CSGALNACT2: variants seen among roughly 807,000 people sequenced by gnomAD.
CSGALNACT2 encodes the protein chondroitin sulfate N-acetylgalactosaminyltransferase 2, also known as beta 4 GalNAcT-2.
A neutral mutation model predicts 55.3 loss-of-function variants in CSGALNACT2; 35 were observed. The observed-to-expected ratio is 0.63, with a 90% confidence interval of 0.48 to 0.84. The LOEUF is 0.84. Among genes scored for constraint, CSGALNACT2 ranks in the 40% least tolerant of loss-of-function variants. The probability of loss-of-function intolerance (pLI) is 0.00; values close to 1 mark genes in which losing one functional copy is unlikely to be tolerated. For missense variants in CSGALNACT2, 544 were observed against 657.5 expected (o/e 0.83, Z 1.89); for synonymous variants, 196 against 224.9 (o/e 0.87, Z 1.15).
intron 1 of CSGALNACT2, among the ~76,000 whole-genome samples, chr10:43,150,724 G>T (rs1284391207): frequency 6.6e-6 from 1 of 152,108 alleles, no homozygotes; most frequent in Non-Finnish European, 1.5e-5. Flanking sequence ...GGGATTGGTT[G>T]AGCTTCTTAT....
At chr10:43,149,857 C>A (rs1432185989) in intron 1 of CSGALNACT2, among the ~76,000 whole-genome samples, 1 of 152,126 alleles carries the variant, frequency 6.6e-6, no homozygotes, top group South Asian at 2.1e-4. Context: ...CACCTGAGGT[C>A]GAGAGTTCAA....
At position 43,183,451 on chromosome 10, in the gene CSGALNACT2, A is replaced by T. The variant is rs754926941; in HGVS notation, c.1538A>T (p.His513Leu). 6.2e-7 allele frequency: 1 copy of T among 1,614,012 alleles called. No individual in the cohort carries two copies. The part of the protein sequence containing the change: ...IQSKAMNEAS[H>L]SHLGMLVFRE... ...TCTAAAGCCATGAATGAGGCCTCTCACTCCCACCTGGGAATGCTGGTCTTC... is the reference window on the plus strand; with the variant it reads ...TCTAAAGCCATGAATGAGGCCTCTCTCTCCCACCTGGGAATGCTGGTCTTC... The change falls in exon 8 of 8, where the codon CAC (histidine) becomes CTC (leucine). Residue 513 changes from histidine (H) to leucine (L), a missense_variant. Coordinates refer to ENST00000374466, the MANE Select transcript of CSGALNACT2 (RefSeq NM_018590.5).
At chr10:43,162,618 CTCCATTACCCA>C (rs1839176385) in intron 4 of CSGALNACT2, 2 of 985,430 alleles carry the variant, frequency 2.0e-6, no homozygotes, top group Non-Finnish European at 2.4e-6. Flanking sequence ...TGTTCCATCT[CTCCATTACCCA>C]TTCTGTACTG....
chr10:43,179,115 T>G, intron 7 of CSGALNACT2, among the ~76,000 whole-genome samples: 1 of 152,098 alleles, frequency 6.6e-6, no homozygotes, highest in East Asian at 1.9e-4. Context: ...TGATGAAACA[T>G]TGTCATCTTC....
intron 4 of CSGALNACT2, among the ~76,000 whole-genome samples, chr10:43,160,868 T>G (rs1321555766): frequency 6.6e-6 from 1 of 152,204 alleles, no homozygotes; most frequent in South Asian, 2.1e-4. Context: ...TTTTAAAATC[T>G]AATTCCTTCA....
chr10:43,155,731 T>C lies in CSGALNACT2; in HGVS notation c.582T>C (p.Pro194=), dbSNP rs761037262. 1.2e-6 allele frequency: 2 copies of C among 1,614,146 alleles called. No individual in the cohort carries two copies. The highest frequency in any genetic ancestry group is 1.7e-6 in the Non-Finnish European group (2 of 1,179,974). The change falls in exon 2 of 8, where the codon CCT becomes CCC. Residue 194 remains proline (P), a synonymous_variant. Coordinates refer to ENST00000374466, the MANE Select transcript of CSGALNACT2 (RefSeq NM_018590.5). ...IEAGLEVINN[P]DEDDEQEDEE... is the part of the protein sequence containing the mutation. ...CGGGCTTGGAGGTCATTAATAATCC[T>C]GATGAAGATGATGAACAAGAAGATG...
intron 1 of CSGALNACT2, among the ~76,000 whole-genome samples, chr10:43,148,747 GCTGAA>G (rs888494272): frequency 6.6e-6 from 1 of 151,892 alleles, no homozygotes; most frequent in Non-Finnish European, 1.5e-5. Context: ...CCTACAACTG[GCTGAA>G]CTCATTTATT....
At chr10:43,176,876 A>G (rs1229852067) in intron 7 of CSGALNACT2, among the ~76,000 whole-genome samples, 1 of 152,150 alleles carries the variant, frequency 6.6e-6, no homozygotes, top group African/African-American at 2.4e-5. Flanking sequence ...CCCTAGCTTC[A>G]GTCTTACCCA....
Position 43,163,985 on chromosome 10 carries a change from A to G in CSGALNACT2, c.1100A>G (p.Asp367Gly). The G allele has an allele frequency of 6.2e-7, 1 of 1,614,130 alleles. No homozygotes were observed. The highest frequency in any genetic ancestry group is 8.5e-7 in the Non-Finnish European group (1 of 1,180,026). ...GGAGAGGTCTTGATGTTTTTCTGTG[A>G]TGTTGATATCTATTTCTCAGCCGAA... ...DKGEVLMFFC[D>G]VDIYFSAEFL... The change falls in exon 5 of 8, where the codon GAT becomes GGT. Residue 367 changes from aspartate to glycine, a missense_variant. Asp to Gly is a moderately conservative substitution (Grantham distance 94). Transcript: ENST00000374466.
intron 7 of CSGALNACT2, among the ~76,000 whole-genome samples, chr10:43,178,067 A>G (rs1455886243): frequency 6.6e-6 from 1 of 152,142 alleles, no homozygotes; most frequent in African/African-American, 2.4e-5. Context: ...CTTTAGTGAA[A>G]TGTCTGTTCA....
At chr10:43,163,237 T>A in intron 4 of CSGALNACT2, 1 of 981,538 alleles carries the variant, frequency 1.0e-6, no homozygotes, top group Non-Finnish European at 1.2e-6. Flanking sequence ...TTTTCAGAAC[T>A]GCTGTTCATT....
chr10:43,181,398 T>G (rs1839586518), intron 7 of CSGALNACT2, among the ~76,000 whole-genome samples: 1 of 152,154 alleles, frequency 6.6e-6, no homozygotes, highest in African/African-American at 2.4e-5. Context: ...TAGGATGGAG[T>G]GATGACTTCT....
intron 7 of CSGALNACT2, among the ~76,000 whole-genome samples, chr10:43,176,418 C>A (rs1253440582): frequency 6.6e-6 from 1 of 151,432 alleles, no homozygotes; most frequent in Non-Finnish European, 1.5e-5. Flanking sequence ...AGGACTTTCA[C>A]ATTTTTTTGA....
intron 1 of CSGALNACT2, among the ~76,000 whole-genome samples, chr10:43,150,647 C>G (rs1838856276): frequency 6.6e-6 from 1 of 152,084 alleles, no homozygotes; most frequent in Non-Finnish European, 1.5e-5. Context: ...TAAAGATTTT[C>G]TCTTTACATT....
intron 1 of CSGALNACT2, among the ~76,000 whole-genome samples, chr10:43,140,483 A>G (rs986828659): frequency 1.3e-5 from 2 of 152,242 alleles, no homozygotes; most frequent in African/African-American, 4.8e-5. Context: ...TTACCATGTT[A>G]TTATTTACCC....
intron 1 of CSGALNACT2, among the ~76,000 whole-genome samples, chr10:43,152,928 G>A (rs141819370): frequency 7.9e-5 from 12 of 152,220 alleles, no homozygotes; most frequent in African/African-American, 2.6e-4. Flanking sequence ...TGGTTTTGAG[G>A]TATGGTTAAG....
At chr10:43,176,789 A>C (rs898953726) in intron 7 of CSGALNACT2, among the ~76,000 whole-genome samples, 2 of 151,214 alleles carry the variant, frequency 1.3e-5, no homozygotes, top group African/African-American at 2.4e-5. Flanking sequence ...CTGGTCTTGA[A>C]CTCCTGGGTT....
At chr10:43,139,935 C>A (rs1197210455) in intron 1 of CSGALNACT2, among the ~76,000 whole-genome samples, 2 of 152,220 alleles carry the variant, frequency 1.3e-5, no homozygotes, top group African/African-American at 4.8e-5. Flanking sequence ...GTGGCTCAGG[C>A]CTTTTATCCC....
chr10:43,155,034 T>A lies in CSGALNACT2; in HGVS notation c.-116T>A, dbSNP rs1838962102. 1 of 857,368 alleles carries A rather than the reference T, an allele frequency of 1.2e-6. No individual in the cohort carries two copies. Among genetic ancestry groups the A allele is most frequent in the Non-Finnish European group, 1.8e-6 (1 of 555,210 alleles). The allele number at this position is 857,368 out of a possible 1,614,324, so 53.1% of individuals were successfully genotyped here. On this transcript the variant is annotated 5_prime_UTR_variant, in exon 2 of 8. Coordinates refer to ENST00000374466, the MANE Select transcript of CSGALNACT2 (RefSeq NM_018590.5). ...TGCTGAAGAAAGAAAAACTTAAAGCTACGGCAGAATTATTTTATGGAAATT... is the reference window on the plus strand; with the variant it reads ...TGCTGAAGAAAGAAAAACTTAAAGCAACGGCAGAATTATTTTATGGAAATT...
Sources: allele counts gnomAD v4.1 joint callset (sites outside exome capture counted in the v4.1 genomes callset), GRCh38; gene constraint gnomAD v4.1.1; transcripts MANE v1.5; gene names NCBI Gene and HGNC (gene_info 2026-07-23, HGNC 2026-07-21).